The following LARGE1 variants were observed in gnomAD, a reference collection of about 807,000 sequenced individuals.
LARGE1 encodes LARGE xylosyl- and glucuronyltransferase 1.
A neutral mutation model predicts 87.6 loss-of-function variants in LARGE1; 43 were observed. That is an observed-to-expected ratio of 0.49 (90% CI 0.38 to 0.63). The LOEUF (loss-of-function observed/expected upper bound fraction) is 0.63, where lower values mean the gene tolerates loss of function less well. LARGE1 is among the 30% of genes least tolerant of loss of function. The pLI is 0.00. For missense variants in LARGE1, 802 were observed against 1,000.2 expected, an observed-to-expected ratio of 0.80 and a Z score of 2.67; for synonymous variants, 434 against 394.6, an observed-to-expected ratio of 1.10 and a Z score of -1.18.
Position 33,593,662 on chromosome 22 carries a change from G to A in LARGE1, c.615+10773C>T, listed in dbSNP as rs148521392. Among the ~76,000 whole-genome samples the A allele has an allele frequency of 6.6e-3, 1,000 of 152,214 alleles. 13 individuals carry two copies. Among genetic ancestry groups the A allele is most frequent in the African/African-American group, 0.023 (961 of 41,510 alleles). ...AAAATACGCAAGTCCAAAGTGAGAC[G>A]TTCAAAATATATACCAGATTTCAAA... On this transcript the variant is annotated intron_variant, in intron 5 of 14. Coordinates refer to ENST00000397394, the MANE Select transcript of LARGE1 (RefSeq NM_133642.5).
chr22:33,236,587 C>T (rs771810408), intron 11 of LARGE1, among the ~76,000 whole-genome samples: 2 of 152,134 alleles, frequency 1.3e-5, no homozygotes, highest in South Asian at 2.1e-4. Context: ...TGATTTTTTC[C>T]GCCAGACTGA....
intron 1 of LARGE1, among the ~76,000 whole-genome samples, chr22:33,813,628 C>T (rs1417827588): frequency 1.3e-5 from 2 of 152,096 alleles, no homozygotes; most frequent in Admixed American, 6.6e-5. Flanking sequence ...GCTGTGGGCT[C>T]GATGACAAAA....
chr22:33,574,690 G>C (rs1371649249), intron 5 of LARGE1, among the ~76,000 whole-genome samples: 1 of 288 alleles, frequency 3.5e-3, no homozygotes, highest in East Asian at 0.062. Flanking sequence ...AAACAATTGT[G>C]TGTGTGTGTG....
At chr22:33,316,688 G>C (rs909026083) in intron 10 of LARGE1, among the ~76,000 whole-genome samples, 1 of 152,096 alleles carries the variant, frequency 6.6e-6, no homozygotes, top group African/African-American at 2.4e-5. Context: ...AGTGAGCTGA[G>C]ATGGCACCAC....
Position 33,316,246 on chromosome 22 carries a change from G to A in LARGE1, c.1290C>T (p.Leu430=). 2 of 1,613,466 alleles carry A rather than the reference G, an allele frequency of 1.2e-6. No individual in the cohort carries two copies. The highest frequency in any genetic ancestry group is 1.1e-5 in the South Asian group (1 of 91,042). Residue 430 remains leucine, a splice_region_variant and synonymous_variant, in exon 11 of 15, where the codon CTC becomes CTT. Coordinates refer to ENST00000397394, the MANE Select transcript of LARGE1 (RefSeq NM_133642.5). ...PSEADVNSEN[L]QKQLSELDED... ...CGTCCAGCTCAGACAGCTGCTTCTG[G>A]AGCTGCAGGGTAGGAGAGAGGGCTT...
intron 5 of LARGE1, among the ~76,000 whole-genome samples, chr22:33,595,770 T>A (rs1367321473): frequency 6.6e-6 from 1 of 152,198 alleles, no homozygotes; most frequent in African/African-American, 2.4e-5. Context: ...GCCATGCCCA[T>A]GCCAAAGGCT....
At chr22:33,439,786 A>G (rs1022358263) in intron 6 of LARGE1, among the ~76,000 whole-genome samples, 2 of 152,082 alleles carry the variant, frequency 1.3e-5, no homozygotes, top group Admixed American at 6.5e-5. Flanking sequence ...AACTAACTCC[A>G]CAATCTTCTC....
the LARGE1 span, among the ~76,000 whole-genome samples, chr22:33,099,849 A>G: frequency 2.0e-5 from 3 of 152,218 alleles, no homozygotes; most frequent in African/African-American, 4.8e-5. Flanking sequence ...CATGCTTCCT[A>G]TGACGCTCTG....
chr22:33,098,335 A>G, the LARGE1 span, among the ~76,000 whole-genome samples: 1 of 152,062 alleles, frequency 6.6e-6, no homozygotes, highest in Admixed American at 6.6e-5. Context: ...AAAAATAAAA[A>G]TAGGCCGGGC....
chr22:33,424,237 G>C (rs1251533727), intron 7 of LARGE1, among the ~76,000 whole-genome samples: 1 of 152,226 alleles, frequency 6.6e-6, no homozygotes, highest in Non-Finnish European at 1.5e-5. Context: ...GTGAGCGGAA[G>C]TTTACAGGTG....
At chr22:33,915,425 T>G (rs920778842) in intron 1 of LARGE1, among the ~76,000 whole-genome samples, 4 of 152,066 alleles carry the variant, frequency 2.6e-5, no homozygotes, top group African/African-American at 9.7e-5. Flanking sequence ...TGTTCTCACC[T>G]AAGTGTTTTT....
intron 7 of LARGE1, among the ~76,000 whole-genome samples, chr22:33,419,794 G>A (rs1311931133): frequency 1.7e-4 from 26 of 152,098 alleles, no homozygotes; most frequent in Admixed American, 1.6e-3. Context: ...GGGTCCGAGC[G>A]ATTCTCGTGC....
At chr22:33,489,858 C>A (rs2069750753) in intron 6 of LARGE1, among the ~76,000 whole-genome samples, 1 of 152,172 alleles carries the variant, frequency 6.6e-6, no homozygotes. Context: ...ACTGCAGGCG[C>A]TCAGATGAAT....
chr22:33,238,576 T>C (rs565322001), intron 11 of LARGE1, among the ~76,000 whole-genome samples: 1 of 152,272 alleles, frequency 6.6e-6, no homozygotes, highest in East Asian at 1.9e-4. Flanking sequence ...TGTGAAATTA[T>C]TGAAAAAATT....
chr22:33,479,631 A>T (rs917846288), intron 6 of LARGE1, among the ~76,000 whole-genome samples: 1 of 152,182 alleles, frequency 6.6e-6, no homozygotes, highest in Admixed American at 6.5e-5. Context: ...CTCACCAACA[A>T]ATCAAATTGC....
At chr22:33,470,913 C>T (rs1044849487) in intron 6 of LARGE1, among the ~76,000 whole-genome samples, 2 of 152,076 alleles carry the variant, frequency 1.3e-5, no homozygotes, top group African/African-American at 4.8e-5. Flanking sequence ...TCAGGTTAGA[C>T]TTCTGTCAAA....
intron 6 of LARGE1, chr22:33,562,997 G>A (rs2077906263): frequency 6.6e-6 from 1 of 152,664 alleles, no homozygotes; most frequent in Non-Finnish European, 1.5e-5. Flanking sequence ...TAGGCAGAGG[G>A]GAAAATCAGC....
chr22:33,248,188 C>T (rs1219255190), intron 11 of LARGE1, among the ~76,000 whole-genome samples: 1 of 151,786 alleles, frequency 6.6e-6, no homozygotes, highest in African/African-American at 2.4e-5. Flanking sequence ...CACTTGTAGA[C>T]ATTTTTTTTA....
intron 1 of LARGE1, among the ~76,000 whole-genome samples, chr22:33,910,575 C>T (rs1198849014): frequency 6.6e-6 from 1 of 152,166 alleles, no homozygotes. Context: ...CTCACCAAGA[C>T]GAGGCTCCTG....
Sources: allele counts gnomAD v4.1 joint callset (sites outside exome capture counted in the v4.1 genomes callset), GRCh38; gene constraint gnomAD v4.1.1; transcripts MANE v1.5; gene names NCBI Gene and HGNC (gene_info 2026-07-23, HGNC 2026-07-21).